CD34: variants seen among roughly 807,000 people sequenced by gnomAD.
The protein encoded by CD34 is hematopoietic progenitor cell antigen CD34.
Under a neutral mutation model 40.1 loss-of-function variants are expected in CD34, and 34 were observed. That is an observed-to-expected ratio of 0.85 (90% CI 0.65 to 1.13). The LOEUF is 1.13. Ranked by LOEUF, CD34 falls within the 50% of genes most tolerant of loss-of-function variation. The pLI is 0.00. For synonymous variants in CD34, 209 were observed against 190.0 expected, an observed-to-expected ratio of 1.10 and a Z score of -0.82; for missense variants, 426 against 466.9, an observed-to-expected ratio of 0.91 and a Z score of 0.81.
Position 207,882,942 on chromosome 1 carries a change from C to CGA in CD34, c.*4795_*4796insTC, listed in dbSNP as rs1661833869. 6.6e-6 allele frequency: 1 copy of CGA among 152,194 alleles called. No individual in the cohort carries two copies. The highest frequency in any genetic ancestry group is 2.4e-5 in the African/African-American group (1 of 41,446). The allele number at this position is 152,194 out of a possible 1,614,324, so 9.4% of individuals were successfully genotyped here. A position where few individuals can be genotyped will look rare whatever the true frequency, so the allele number is the denominator to read the frequency against. ...GTTCTGTCATCTGTCCCTCCCACAT[C>CGA]CACCCAATGTAAAGACTTGACAGAA... On this transcript the variant is annotated 3_prime_UTR_variant, in exon 8 of 8. Coordinates refer to ENST00000310833, the MANE Select transcript of CD34 (RefSeq NM_001025109.2).
intron 4 of CD34, among the ~76,000 whole-genome samples, chr1:207,896,631 C>A (rs1300570946): frequency 6.6e-6 from 1 of 151,688 alleles, no homozygotes; most frequent in Non-Finnish European, 1.5e-5. Context: ...TCCATCAAAT[C>A]TAGAGAAAAA....
rs1295125947 is a variant in CD34, at chr1:207,881,139, T to G, written c.*6599A>C. On this transcript the variant is annotated 3_prime_UTR_variant, in exon 8 of 8. Coordinates refer to ENST00000310833, the MANE Select transcript of CD34 (RefSeq NM_001025109.2). ...GCAGCCACATGTACTTAGATGCTAC[T>G]GAAATAGTAACATATCTAGAGCCGC... is the stretch of plus-strand genomic sequence containing the variant. The G allele has an allele frequency of 6.6e-6, 1 of 152,240 alleles. No individual in the cohort carries two copies. The highest frequency in any genetic ancestry group is 1.5e-5 in the Non-Finnish European group (1 of 68,050). The allele number at this position is 152,240 out of a possible 1,614,324, so 9.4% of individuals were successfully genotyped here. A position where few individuals can be genotyped will look rare whatever the true frequency, so the allele number is the denominator to read the frequency against.
In CD34 at chr1:207,903,020, G is replaced by T. The variant is rs141421745; in HGVS notation, c.80-3017C>A. On this transcript the variant is annotated intron_variant, in intron 1 of 7. Coordinates refer to ENST00000310833, the MANE Select transcript of CD34 (RefSeq NM_001025109.2). ...AGAGCACCCTCTGAGACACCAGGGGGACAGGACAAGTGGGAGGGCAGAAAG... is the reference window on the plus strand; with the variant it reads ...AGAGCACCCTCTGAGACACCAGGGGTACAGGACAAGTGGGAGGGCAGAAAG... 1.1e-3 allele frequency among the ~76,000 whole-genome samples: 160 copies of T among 152,300 alleles called. 1 individual carries two copies. Among genetic ancestry groups the T allele is most frequent in the Admixed American group, 0.01 (153 of 15,300 alleles).
intron 6 of CD34, 69 bp downstream of exon 6, chr1:207,889,092 C>T (rs1661972482): frequency 2.0e-6 from 2 of 1,006,606 alleles, no homozygotes; most frequent in Non-Finnish European, 3.2e-6. Flanking sequence ...ATAATGACTT[C>T]CCCCCTTACT....
chr1:207,903,218 A>T (rs1220060808), intron 1 of CD34, among the ~76,000 whole-genome samples: 1 of 152,206 alleles, frequency 6.6e-6, no homozygotes, highest in Non-Finnish European at 1.5e-5. Flanking sequence ...GTCAAGACTG[A>T]CCACAGATCT....
At chr1:207,907,640 C>T (rs1384065404) in intron 1 of CD34, among the ~76,000 whole-genome samples, 3 of 152,222 alleles carry the variant, frequency 2.0e-5, no homozygotes, top group African/African-American at 7.2e-5. Flanking sequence ...TTCCGACGGA[C>T]TCCAAGAGCA....
At chr1:207,888,234 G>A (rs1287618255) in intron 7 of CD34, 4 of 1,069,444 alleles carry the variant, frequency 3.7e-6, no homozygotes, top group Non-Finnish European at 5.8e-6. Flanking sequence ...CCAGGGTAGG[G>A]GACAGGCCAG....
intron 4 of CD34, among the ~76,000 whole-genome samples, chr1:207,896,771 A>AT (rs1662157698): frequency 6.6e-6 from 1 of 152,126 alleles, no homozygotes; most frequent in Non-Finnish European, 1.5e-5. Flanking sequence ...AATAATTTAC[A>AT]TTTTTTACAG....
intron 6 of CD34, 86 bp from the exon 7 acceptor site, chr1:207,888,932 A>C: frequency 7.5e-7 from 1 of 1,331,022 alleles, no homozygotes; most frequent in South Asian, 1.3e-5. Flanking sequence ...GTGACTCAAC[A>C]GTGAACAGAT....
intron 7 of CD34, 61 bp from the exon 8 acceptor site, chr1:207,887,984 GGA>G: frequency 6.4e-7 from 1 of 1,572,852 alleles, no homozygotes; most frequent in South Asian, 1.2e-5. Flanking sequence ...ACACTGGATG[GGA>G]GAGGGGCCCA....
intron 1 of CD34, among the ~76,000 whole-genome samples, chr1:207,910,547 C>T (rs1029911067): frequency 6.6e-6 from 1 of 152,192 alleles, no homozygotes; most frequent in African/African-American, 2.4e-5. Context: ...CTCTCCCAGT[C>T]CCTGTGCAAG....
intron 4 of CD34, 23 bp downstream of exon 4, chr1:207,897,469 AG>A (rs1177689537): frequency 6.7e-7 from 1 of 1,484,880 alleles, no homozygotes; most frequent in Admixed American, 2.0e-5. Flanking sequence ...CGGGAGGAAG[AG>A]GTTGGGTGGG....
Position 207,881,661 on chromosome 1 carries a change from A to G in CD34, c.*6077T>C, listed in dbSNP as rs1203009583. ...GGTGACAGAGCGAGACTCCGTCTCA[A>G]AAAAAAAAAAAAAAAAAAAGAATCA... is the stretch of plus-strand genomic sequence containing the variant. On this transcript the variant is annotated 3_prime_UTR_variant, in exon 8 of 8. Coordinates refer to ENST00000310833, the MANE Select transcript of CD34 (RefSeq NM_001025109.2). 1 of 148,318 alleles carries G rather than the reference A, an allele frequency of 6.7e-6. No homozygotes were observed. Among genetic ancestry groups the G allele is most frequent in the Non-Finnish European group, 1.5e-5 (1 of 66,680 alleles). The allele number at this position is 148,318 out of a possible 1,614,324, so 9.2% of individuals were successfully genotyped here. A position where few individuals can be genotyped will look rare whatever the true frequency, so the allele number is the denominator to read the frequency against.
chr1:207,890,884 C>T (rs1029901006), intron 4 of CD34, among the ~76,000 whole-genome samples: 7 of 152,164 alleles, frequency 4.6e-5, no homozygotes, highest in Non-Finnish European at 8.8e-5. Context: ...CTTGGATAGA[C>T]GTTCTAACTC....
At chr1:207,899,374 C>A (rs1662223393) in intron 2 of CD34, 148 bp from the exon 3 acceptor site, 1 of 808,490 alleles carries the variant, frequency 1.2e-6, no homozygotes, top group East Asian at 2.5e-5. Flanking sequence ...TGACCAAACT[C>A]ATTTCAAGCT....
intron 3 of CD34, 137 bp downstream of exon 3, chr1:207,898,836 G>A: frequency 2.2e-6 from 2 of 906,070 alleles, no homozygotes; most frequent in Non-Finnish European, 3.5e-6. Flanking sequence ...TATTTAAACT[G>A]TGTATTTCCG....
intron 1 of CD34, among the ~76,000 whole-genome samples, chr1:207,908,046 G>A (rs1322961542): frequency 6.6e-6 from 1 of 152,210 alleles, no homozygotes; most frequent in Non-Finnish European, 1.5e-5. Context: ...AGGCCCTCCA[G>A]CTCAGGGTCT....
chr1:207,887,941 A>G lies in CD34; in HGVS notation c.973-18T>C. 1 of 1,609,866 alleles carries G rather than the reference A, an allele frequency of 6.2e-7. No homozygotes were observed. The highest frequency in any genetic ancestry group is 8.5e-7 in the Non-Finnish European group (1 of 1,177,512). The stretch of plus-strand genomic sequence containing the variant: ...TCTTCGCCCTAGACAGTGTATAAAT[A>G]AAGTAGCATTATCTGGTAAGCAGGG... On this transcript the variant is annotated intron_variant, in intron 7 of 7. Coordinates refer to ENST00000310833, the MANE Select transcript of CD34 (RefSeq NM_001025109.2).
intron 1 of CD34, 122 bp downstream of exon 1, chr1:207,910,880 T>C: frequency 1.0e-6 from 1 of 987,146 alleles, no homozygotes; most frequent in East Asian, 2.7e-5. Flanking sequence ...TGGGCGGCAG[T>C]GCGTGGGTTG....
Sources: gnomAD v4.1 joint callset for allele counts (sites outside exome capture counted in the v4.1 genomes callset) on GRCh38, gnomAD v4.1.1 for gene constraint, MANE v1.5 for transcripts, NCBI Gene and HGNC (gene_info 2026-07-23, HGNC 2026-07-21) for gene names.